The following MICU1 variants were observed in gnomAD, a reference collection of about 807,000 sequenced individuals.
The protein encoded by MICU1 is calcium uptake protein 1, mitochondrial.
Under a neutral mutation model 56.8 loss-of-function variants are expected in MICU1, and 45 were observed. The observed-to-expected ratio is 0.79, with a 90% CI of 0.62 to 1.02. The LOEUF (loss-of-function observed/expected upper bound fraction) is 1.02, where lower values mean the gene tolerates loss of function less well. Among genes scored for constraint, MICU1 ranks in the 50% least tolerant of loss-of-function variants. MICU1 has a pLI of 0.00. For synonymous variants in MICU1, 186 were observed against 195.1 expected (o/e 0.95, Z 0.39); for missense variants, 504 against 587.1 (o/e 0.86, Z 1.46).
intron 3 of MICU1, among the ~76,000 whole-genome samples, chr10:72,557,892 G>A (rs140122924): frequency 6.4e-4 from 98 of 152,116 alleles, no homozygotes; most frequent in Non-Finnish European, 1.1e-3. Context: ...ACTTTCTTTC[G>A]CATCTTGTTT....
chr10:72,621,089 A>G, intron 1 of MICU1, among the ~76,000 whole-genome samples: 1 of 152,204 alleles, frequency 6.6e-6, no homozygotes, highest in South Asian at 2.1e-4. Context: ...ATGATGAACC[A>G]CCAGAATAAG....
chr10:72,437,520 T>A (rs3998174), intron 8 of MICU1, among the ~76,000 whole-genome samples: 4,002 of 152,256 alleles, frequency 0.026, 143 homozygotes, highest in Admixed American at 0.088. Flanking sequence ...AACATCATAA[T>A]GACAGAATCA....
At chr10:72,556,343 C>CT (rs199890662) in intron 3 of MICU1, among the ~76,000 whole-genome samples, 1 of 151,484 alleles carries the variant, frequency 6.6e-6, no homozygotes, top group Non-Finnish European at 1.5e-5. Flanking sequence ...TATTAACATT[C>CT]TTTTTTTTTC....
Position 72,475,237 on chromosome 10 carries a change from T to A in MICU1, c.796A>T (p.Thr266Ser). The A allele has an allele frequency of 6.2e-7, 1 of 1,610,446 alleles. No individual in the cohort carries two copies. Among genetic ancestry groups the A allele is most frequent in the Non-Finnish European group, 8.5e-7 (1 of 1,178,234 alleles). Residue 266 changes from threonine (T) to serine (S), a missense_variant, in exon 8 of 12, where the codon ACT becomes TCT. Thr to Ser is a moderately conservative substitution (Grantham distance 58). Coordinates refer to ENST00000361114, the MANE Select transcript of MICU1 (RefSeq NM_001195518.2). ...AAGCCAGACTTGAGGGTGTTGCCAG[T>A]AGTTGGACGATCTCTGTGGCGCATA... ...MGMRHRDRPT[T>S]GNTLKSGLCS...
chr10:72,422,397 G>A (rs1350094948), intron 9 of MICU1, among the ~76,000 whole-genome samples: 2 of 152,222 alleles, frequency 1.3e-5, no homozygotes, highest in African/African-American at 4.8e-5. Flanking sequence ...TCTGTGGTAT[G>A]TTGTTACAGA....
intron 6 of MICU1, among the ~76,000 whole-genome samples, chr10:72,496,390 C>T (rs138272645): frequency 0.027 from 4,093 of 151,954 alleles, 178 homozygotes; most frequent in African/African-American, 0.095. Flanking sequence ...CAACCTCCAC[C>T]TCCTGGGTTC....
At chr10:72,570,658 G>A (rs1840587241) in intron 1 of MICU1, among the ~76,000 whole-genome samples, 1 of 152,014 alleles carries the variant, frequency 6.6e-6, no homozygotes, top group South Asian at 2.1e-4. Context: ...GTCCAATTTT[G>A]AAATTGGACC....
chr10:72,380,815 C>A (rs1307979972), intron 10 of MICU1, among the ~76,000 whole-genome samples: 1 of 152,120 alleles, frequency 6.6e-6, no homozygotes, highest in African/African-American at 2.4e-5. Flanking sequence ...GAATCTGTCA[C>A]CCTGAGGAGA....
At chr10:72,475,944 T>C in intron 7 of MICU1, 1 of 455,254 alleles carries the variant, frequency 2.2e-6, no homozygotes, top group Non-Finnish European at 4.4e-6. Context: ...AACTCTCTCA[T>C]GACCAGGTGT....
chr10:72,559,377 G>T (rs528259708), intron 3 of MICU1, among the ~76,000 whole-genome samples: 1 of 151,790 alleles, frequency 6.6e-6, no homozygotes, highest in South Asian at 2.1e-4. Context: ...AAAACTGAGT[G>T]TTGGGTGTTT....
At chr10:72,606,886 C>T (rs1841705441) in intron 1 of MICU1, among the ~76,000 whole-genome samples, 1 of 152,094 alleles carries the variant, frequency 6.6e-6, no homozygotes, top group Admixed American at 6.6e-5. Flanking sequence ...TCAATCATGC[C>T]TACATAATGA....
Position 72,590,264 on chromosome 10 carries a change from T to C in MICU1, c.-1-23470A>G, listed in dbSNP as rs185656225. On this transcript the variant is annotated intron_variant, in intron 1 of 11. Transcript: ENST00000361114. The stretch of plus-strand genomic sequence containing the variant: ...AAGAGAGCAGGCGTGGCTATACTAA[T>C]ATCAAACAAATAGACTTTAAATCAA... Among the ~76,000 whole-genome samples, 89 of 152,220 alleles carry C rather than the reference T, an allele frequency of 5.8e-4. No individual in the cohort carries two copies. The South Asian group carries it at 0.016, about 28-fold the overall frequency.
intron 1 of MICU1, among the ~76,000 whole-genome samples, chr10:72,590,354 TATA>T (rs1384028603): frequency 3.3e-5 from 5 of 152,102 alleles, no homozygotes; most frequent in African/African-American, 4.8e-5. Context: ...AGCAAAAAGA[TATA>T]ATAATTATCA....
chr10:72,426,747 C>T (rs1347582997), intron 8 of MICU1, among the ~76,000 whole-genome samples: 1 of 152,034 alleles, frequency 6.6e-6, no homozygotes, highest in Non-Finnish European at 1.5e-5. Flanking sequence ...ACAAATGTTC[C>T]AAAATCTGAA....
intron 4 of MICU1, among the ~76,000 whole-genome samples, chr10:72,549,794 G>A (rs759657119): frequency 3.3e-5 from 5 of 152,008 alleles, no homozygotes; most frequent in Non-Finnish European, 5.9e-5. Flanking sequence ...AGCTGGGCAT[G>A]GTGGCACATG....
At position 72,435,385 on chromosome 10, in the gene MICU1, CAAAA is replaced by C. The variant is rs34955776; in HGVS notation, c.934-12018_934-12015del. Among the ~76,000 whole-genome samples the C allele has an allele frequency of 4.0e-4, 19 of 48,078 alleles. No homozygotes were observed. In the East Asian group the frequency reaches 6.5e-3, roughly 16 times the overall value. The allele number at this position is 48,078 out of a possible 152,430, so 31.5% of individuals were successfully genotyped here. A position where few individuals can be genotyped will look rare whatever the true frequency, so the allele number is the denominator to read the frequency against. On this transcript the variant is annotated intron_variant, in intron 8 of 11. Coordinates refer to ENST00000361114, the MANE Select transcript of MICU1 (RefSeq NM_001195518.2). ...CCTGGGCCAGAGTGAGACCCTGTTA[CAAAA>C]AAAAAAAAAAAAAAAAAAAAAAGTG...
In MICU1 at chr10:72,551,327, C is replaced by T. The variant is rs751284053; in HGVS notation, c.345G>A (p.Glu115=). ...GCGTGGAGTAGGCTCGAATCCTATT[C>T]TCATATTCCATCACCTAAAGTTAGA... is the stretch of plus-strand genomic sequence containing the variant. The part of the protein sequence containing the change: ...GFRDRKVMEY[E]NRIRAYSTPD... Residue 115 remains glutamate (E), a synonymous_variant, in exon 4 of 12, where the codon GAG becomes GAA. Coordinates refer to ENST00000361114, the MANE Select transcript of MICU1 (RefSeq NM_001195518.2). The T allele has an allele frequency of 2.5e-6, 4 of 1,606,142 alleles. No individual in the cohort carries two copies. The African/African-American group carries it at 5.4e-5, about 22-fold the overall frequency.
At chr10:72,604,331 T>C (rs1470419223) in intron 1 of MICU1, among the ~76,000 whole-genome samples, 1 of 120,870 alleles carries the variant, frequency 8.3e-6, no homozygotes, top group Non-Finnish European at 1.9e-5. Flanking sequence ...TGCAGCGCAA[T>C]GTTGTGATCT....
rs960008727 is a variant in MICU1, at chr10:72,572,890, T to C, written c.-1-6096A>G. The stretch of plus-strand genomic sequence containing the variant: ...AATTTATGGTGGGCAATTTGGTAAT[T>C]TGCATTAAAATTACTCATATAATCT... On this transcript the variant is annotated intron_variant, in intron 1 of 11. Coordinates refer to ENST00000361114, the MANE Select transcript of MICU1 (RefSeq NM_001195518.2). Among the ~76,000 whole-genome samples the C allele has an allele frequency of 7.9e-5, 12 of 152,292 alleles. No individual in the cohort carries two copies. The South Asian group carries it at 1.0e-3, about 13-fold the overall frequency.
Sources: gnomAD v4.1 joint callset for allele counts (sites outside exome capture counted in the v4.1 genomes callset) on GRCh38, gnomAD v4.1.1 for gene constraint, MANE v1.5 for transcripts, NCBI Gene and HGNC (gene_info 2026-07-23, HGNC 2026-07-21) for gene names.